Variants in COL18A1 observed in about 807,000 individuals in gnomAD.
COL18A1 encodes collagen alpha-1(XVIII) chain.
Under a neutral mutation model 168.0 loss-of-function variants are expected in COL18A1, and 133 were observed. The observed-to-expected ratio is 0.79, with a 90% CI of 0.69 to 0.91. The LOEUF (loss-of-function observed/expected upper bound fraction) is 0.91. Ranked by LOEUF, COL18A1 falls within the 40% of genes least tolerant of loss-of-function variation. The probability of loss-of-function intolerance (pLI) is 0.00; values close to 1 mark genes in which losing one functional copy is unlikely to be tolerated. For synonymous variants in COL18A1, 949 were observed against 809.0 expected, an observed-to-expected ratio of 1.17 and a Z score of -2.94; for missense variants, 2,126 against 1,925.4, an observed-to-expected ratio of 1.10 and a Z score of -1.95.
At chr21:45,434,061 G>GTGTGAGAGCAGGTGCATGGGCCAGA (rs2034034524) in intron 2 of COL18A1, among the ~76,000 whole-genome samples, 1 of 138,222 alleles carries the variant, frequency 7.2e-6, no homozygotes, top group East Asian at 2.1e-4. Flanking sequence ...CATGGGCCAG[G>GTGTGAGAGCAGGTGCATGGGCCAGA]TGTGTGAGCA....
At position 45,443,708 on chromosome 21, in the gene COL18A1, A is replaced by G. The variant is rs2034442635; in HGVS notation, c.107-24534A>G. Among the ~76,000 whole-genome samples, 1 of 152,182 alleles carries G rather than the reference A, an allele frequency of 6.6e-6. No homozygotes were observed. Among genetic ancestry groups the G allele is most frequent in the Admixed American group, 6.5e-5 (1 of 15,284 alleles). On this transcript the variant is annotated intron_variant, in intron 2 of 41. Transcript: ENST00000651438. The surrounding 1 kb of genome is among the most constrained non-coding windows in gnomAD (Gnocchi z 5.2). ...CGGGTCCCCAGGGAGGCCTCCGTGAAAACACAAATCAAGTGCCAATTTCCT... is the reference window on the plus strand; with the variant it reads ...CGGGTCCCCAGGGAGGCCTCCGTGAGAACACAAATCAAGTGCCAATTTCCT...
chr21:45,420,193 C>T (rs1289138465), intron 2 of COL18A1: 1 of 152,258 alleles, frequency 6.6e-6, no homozygotes, highest in Non-Finnish European at 1.5e-5. Context: ...GCTGTCGCAG[C>T]TGGCACTGTG....
intron 2 of COL18A1, among the ~76,000 whole-genome samples, chr21:45,438,147 C>G (rs1215873682): frequency 9.6e-6 from 1 of 103,822 alleles, no homozygotes; most frequent in South Asian, 3.1e-4. Flanking sequence ...CACACTCACT[C>G]AGACACAGGC....
chr21:45,494,318 C>T (rs1056602746), intron 26 of COL18A1: 28 of 585,460 alleles, frequency 4.8e-5, no homozygotes, highest in Admixed American at 3.3e-4. Context: ...TGGACGCAAA[C>T]CCCAAACCCG....
chr21:45,507,676 C>G, intron 38 of COL18A1, 83 bp downstream of exon 38: 3 of 1,353,048 alleles, frequency 2.2e-6, no homozygotes, highest in Non-Finnish European at 3.1e-6. Context: ...AGGAACAACA[C>G]GTGGTCCTTT....
chr21:45,453,114 ATGTG>A (rs150290361), intron 2 of COL18A1, among the ~76,000 whole-genome samples: 3 of 149,860 alleles, frequency 2.0e-5, no homozygotes, highest in Non-Finnish European at 4.4e-5. Context: ...AGCATTATGT[ATGTG>A]TGTGGGCTTG....
At position 45,468,558 on chromosome 21, in the gene COL18A1, A is replaced by G; in HGVS notation, c.423A>G (p.Glu141=). 1 of 1,613,484 alleles carries G rather than the reference A, an allele frequency of 6.2e-7. No homozygotes were observed. The change falls in exon 3 of 42, where the codon GAA becomes GAG. Residue 141 remains glutamate, a synonymous_variant. Transcript: ENST00000651438. ...GHQDISLLYT[E]PGAGQTHTAA... is the part of the protein sequence containing the mutation. ...AGGACATCTCCCTGCTCTACACAGA[A>G]CCAGGTGCAGGCCAGACCCACACAG...
rs772795763 is a variant in COL18A1, at chr21:45,493,230, G to A, written c.2277+5G>A. The A allele has an allele frequency of 6.4e-7, 1 of 1,555,764 alleles. No individual in the cohort carries two copies. The highest frequency in any genetic ancestry group is 1.2e-5 in the South Asian group (1 of 84,476). ...CGAGGCTCCCCGGGACCCAAGGTAA[G>A]GGGCTCAGGTGCTGTCCCTCAACCC... On this transcript the variant is annotated splice_donor_5th_base_variant and intron_variant, in intron 25 of 41. Coordinates refer to ENST00000651438, the MANE Select transcript of COL18A1 (RefSeq NM_001379500.1).
chr21:45,455,683 C>T (rs1443509473), intron 2 of COL18A1: 3 of 1,613,888 alleles, frequency 1.9e-6, no homozygotes, highest in Non-Finnish European at 2.5e-6. Context: ...CCCAGGGGCC[C>T]CTGCCTGTGC....
At chr21:45,472,006 C>T (rs929005855) in intron 3 of COL18A1, among the ~76,000 whole-genome samples, 2 of 152,182 alleles carry the variant, frequency 1.3e-5, no homozygotes, top group African/African-American at 2.4e-5. Context: ...CCCACCCAGG[C>T]ACCCTGTAGC....
intron 34 of COL18A1, among the ~76,000 whole-genome samples, chr21:45,504,904 G>A (rs1046383580): frequency 2.3e-5 from 3 of 130,934 alleles, no homozygotes; most frequent in African/African-American, 1.0e-4. Flanking sequence ...CTGCCTGGGG[G>A]CCCACACTGT....
intron 3 of COL18A1, among the ~76,000 whole-genome samples, chr21:45,470,987 A>G (rs4819122): frequency 0.24 from 32,189 of 133,086 alleles, 4,675 homozygotes; most frequent in African/African-American, 0.45. Context: ...GGCGCGCTAC[A>G]GGCTTCGTGC....
Position 45,507,588 on chromosome 21 carries a change from G to A in COL18A1, c.3244G>A (p.Gly1082Arg), listed in dbSNP as rs760778769. The change falls in exon 38 of 42, where the codon GGG (glycine) becomes AGG (arginine). Residue 1082 changes from glycine (G) to arginine (R), a missense_variant. Transcript: ENST00000651438. The part of the protein sequence containing the change: ...QLEARTPLPR[G>R]TDNEVAALQP... ...GGAGGCCCGGACACCACTCCCACGA[G>A]GGACGGTAAGGAGCCTTTTTTCTGT... 1 of 1,613,102 alleles carries A rather than the reference G, an allele frequency of 6.2e-7. No homozygotes were observed. The highest frequency in any genetic ancestry group is 1.1e-5 in the South Asian group (1 of 91,040).
chr21:45,483,789 G>A (rs2035979425), intron 15 of COL18A1, among the ~76,000 whole-genome samples: 1 of 152,214 alleles, frequency 6.6e-6, no homozygotes, highest in Non-Finnish European at 1.5e-5. Flanking sequence ...TGAGGAAGAG[G>A]ACAGCTGCGA....
At chr21:45,500,276 G>C (rs1244419759) in intron 32 of COL18A1, among the ~76,000 whole-genome samples, 1 of 126,376 alleles carries the variant, frequency 7.9e-6, no homozygotes, top group African/African-American at 3.3e-5. Context: ...TGTTGGGTGT[G>C]TAGTGGGGGT....
At position 45,452,916 on chromosome 21, in the gene COL18A1, T is replaced by C. The variant is rs1296325246; in HGVS notation, c.107-15326T>C. ...ACATGTGAGCATGTATGTACATGTG[T>C]GTGAGTATTCACATGTGACATGTGA... On this transcript the variant is annotated intron_variant, in intron 2 of 41. Transcript: ENST00000651438. Among the ~76,000 whole-genome samples the C allele has an allele frequency of 2.6e-5, 4 of 152,074 alleles. No individual in the cohort carries two copies. The East Asian group carries it at 7.7e-4, about 29-fold the overall frequency.
chr21:45,489,280 G>T (rs143359983), intron 18 of COL18A1, among the ~76,000 whole-genome samples: 1 of 152,178 alleles, frequency 6.6e-6, no homozygotes, highest in Non-Finnish European at 1.5e-5. Context: ...TTCCGCAGCC[G>T]TCCCGGCCGG....
At chr21:45,494,376 C>T in intron 26 of COL18A1, 169 bp from the exon 27 acceptor site, 1 of 924,580 alleles carries the variant, frequency 1.1e-6, no homozygotes, top group Non-Finnish European at 1.7e-6. Flanking sequence ...CTGCCTGCGC[C>T]TTGGGGACGG....
At chr21:45,505,739 C>CG (rs1568943778) in intron 36 of COL18A1, 99 bp from the exon 37 acceptor site, 5 of 996,962 alleles carry the variant, frequency 5.0e-6, no homozygotes. Flanking sequence ...CAAAGCCCTG[C>CG]GGCCCCTGCC....
Sources: gnomAD v4.1 joint callset for allele counts (sites outside exome capture counted in the v4.1 genomes callset) on GRCh38, gnomAD v4.1.1 for gene constraint, Gnocchi (gnomAD v3.1) non-coding constraint, MANE v1.5 for transcripts, NCBI Gene and HGNC (gene_info 2026-07-23, HGNC 2026-07-21) for gene names.